WSCD2: variants seen among roughly 807,000 people sequenced by gnomAD.
The protein encoded by WSCD2 is sialate:O-sulfotransferase 2.
WSCD2 carries 28 observed loss-of-function variants against 55.7 expected under a neutral mutation model. The ratio of observed to expected loss-of-function variants is 0.50; its 90% CI spans 0.37 to 0.69. WSCD2 has a LOEUF of 0.69. WSCD2 is among the 30% of genes least tolerant of loss of function. The probability of loss-of-function intolerance (pLI) is 0.00; values close to 1 mark genes in which losing one functional copy is unlikely to be tolerated. For synonymous variants in WSCD2, 301 were observed against 301.9 expected, an observed-to-expected ratio of 1.00 and a Z score of 0.03; for missense variants, 616 against 762.1, an observed-to-expected ratio of 0.81 and a Z score of 2.26.
At chr12:108,159,100 T>C (rs1006251791) in intron 1 of WSCD2, among the ~76,000 whole-genome samples, 1 of 152,214 alleles carries the variant, frequency 6.6e-6, no homozygotes, top group Non-Finnish European at 1.5e-5. Flanking sequence ...CTCTTCTGTG[T>C]CTCTGAAAGG....
At chr12:108,218,057 T>C (rs1887057632) in intron 4 of WSCD2, among the ~76,000 whole-genome samples, 1 of 152,216 alleles carries the variant, frequency 6.6e-6, no homozygotes, top group Admixed American at 6.5e-5. Flanking sequence ...TAAGGACAGC[T>C]GGCAAGCAGA....
chr12:108,180,062 A>G (rs557216204), intron 1 of WSCD2, among the ~76,000 whole-genome samples: 44 of 151,460 alleles, frequency 2.9e-4, no homozygotes, highest in Non-Finnish European at 1.8e-4. Context: ...AAAAAAAAAA[A>G]AAAAAGAAAA....
chr12:108,217,827 AC>A (rs1887023544), intron 4 of WSCD2, among the ~76,000 whole-genome samples: 1 of 151,948 alleles, frequency 6.6e-6, no homozygotes. Context: ...TAAAAATTTC[AC>A]CTTACTTGGT....
intron 1 of WSCD2, among the ~76,000 whole-genome samples, chr12:108,177,538 T>G (rs1029744449): frequency 2.0e-5 from 3 of 152,234 alleles, no homozygotes; most frequent in Non-Finnish European, 2.9e-5. Context: ...AAGATAATTA[T>G]AGTGCCTGTC....
At chr12:108,162,326 G>GC in intron 1 of WSCD2, among the ~76,000 whole-genome samples, 1 of 152,130 alleles carries the variant, frequency 6.6e-6, no homozygotes, top group Non-Finnish European at 1.5e-5. Flanking sequence ...GAGTCACCAA[G>GC]CCCCCTTCAG....
intron 1 of WSCD2, among the ~76,000 whole-genome samples, chr12:108,178,517 C>T (rs1370357904): frequency 1.3e-5 from 2 of 152,218 alleles, no homozygotes; most frequent in African/African-American, 4.8e-5. Context: ...CTCTCAGTCA[C>T]ACACATCTGT....
chr12:108,211,455 C>T lies in WSCD2; in HGVS notation c.682+1150C>T, dbSNP rs139905314. Among the ~76,000 whole-genome samples, 577 of 152,126 alleles carry T rather than the reference C, an allele frequency of 3.8e-3. 3 individuals are homozygous for T. Among genetic ancestry groups the T allele is most frequent in the African/African-American group, 0.012 (494 of 41,502 alleles). ...GATGCCAGGATGCTGGTCCATAGAC[C>T]ACATTTTGAGCCTCTGTGGATCTCG... On this transcript the variant is annotated intron_variant, in intron 4 of 8. Coordinates refer to ENST00000547525, the MANE Select transcript of WSCD2 (RefSeq NM_014653.4).
chr12:108,248,538 C>T lies in WSCD2; in HGVS notation c.*195C>T. ...AAGAGATTGCCCAGGCACTACCACT[C>T]TGCTCACATGTTCCCCCCTTGGCAA... On this transcript the variant is annotated 3_prime_UTR_variant, in exon 9 of 9. Transcript: ENST00000547525. The surrounding 1 kb of genome is among the most constrained non-coding windows in gnomAD (Gnocchi z 4.3). 3 of 1,408,036 alleles carry T rather than the reference C, an allele frequency of 2.1e-6. No individual in the cohort carries two copies. The highest frequency in any genetic ancestry group is 1.6e-5 in the South Asian group (1 of 61,794). 87.2% of individuals were successfully genotyped at this position (1,408,036 alleles called of 1,614,324 possible).
chr12:108,216,782 A>AT (rs369133290), intron 4 of WSCD2, among the ~76,000 whole-genome samples: 2,951 of 151,696 alleles, frequency 0.019, 39 homozygotes, highest in Non-Finnish European at 0.033. Flanking sequence ...AAGCTGCTGT[A>AT]TTTTTTTTTC....
chr12:108,240,231 ATGAC>A (rs1188124765), intron 7 of WSCD2, 109 bp from the exon 8 acceptor site: 14 of 1,341,612 alleles, frequency 1.0e-5, no homozygotes, highest in Non-Finnish European at 1.2e-5. Context: ...AAATACGCGA[ATGAC>A]TGAGTGAACA....
chr12:108,175,456 G>A (rs1037623060), intron 1 of WSCD2, among the ~76,000 whole-genome samples: 4 of 152,172 alleles, frequency 2.6e-5, no homozygotes, highest in Non-Finnish European at 5.9e-5. Flanking sequence ...GCCTCCCCTC[G>A]GTTTAATAGG....
chr12:108,182,176 T>C lies in WSCD2; in HGVS notation c.-551-13106T>C, dbSNP rs1881861058. 2.6e-5 allele frequency among the ~76,000 whole-genome samples: 4 copies of C among 152,330 alleles called. No homozygotes were observed. The South Asian group carries it at 8.3e-4, about 32-fold the overall frequency. ...CTCCAAGAGGTAACATCTTTCTGTA[T>C]ATCGTTGTGTTTCCATCCATCTGTT... On this transcript the variant is annotated intron_variant, in intron 1 of 8. Transcript: ENST00000547525.
At chr12:108,164,115 T>G (rs985459453) in intron 1 of WSCD2, among the ~76,000 whole-genome samples, 1 of 141,596 alleles carries the variant, frequency 7.1e-6, no homozygotes, top group African/African-American at 2.5e-5. Context: ...TTCACTTATT[T>G]ATACTGTTGT....
chr12:108,223,034 G>A (rs1337464029), intron 4 of WSCD2, among the ~76,000 whole-genome samples: 1 of 152,254 alleles, frequency 6.6e-6, no homozygotes, highest in Non-Finnish European at 1.5e-5. Context: ...AGTTAATGCT[G>A]CGATCTTGAG....
At chr12:108,238,148 T>C (rs963331754) in intron 7 of WSCD2, among the ~76,000 whole-genome samples, 1 of 152,236 alleles carries the variant, frequency 6.6e-6, no homozygotes, top group African/African-American at 2.4e-5. Flanking sequence ...TGTCTGAAGC[T>C]GTCTCTCTCT....
intron 1 of WSCD2, among the ~76,000 whole-genome samples, chr12:108,140,619 T>C (rs1362742794): frequency 6.6e-6 from 1 of 152,198 alleles, no homozygotes; most frequent in Non-Finnish European, 1.5e-5. Context: ...GTTCCTCAAG[T>C]GCTGGGGATT....
intron 1 of WSCD2, among the ~76,000 whole-genome samples, chr12:108,144,960 CT>C (rs1877233051): frequency 6.6e-6 from 1 of 152,222 alleles, no homozygotes; most frequent in Non-Finnish European, 1.5e-5. Flanking sequence ...GGCCCTGCCT[CT>C]TGTGACAGGG....
intron 1 of WSCD2, among the ~76,000 whole-genome samples, chr12:108,180,728 C>A (rs998906489): frequency 1.3e-5 from 2 of 152,238 alleles, no homozygotes; most frequent in Non-Finnish European, 2.9e-5. Flanking sequence ...GAGCCTCCTC[C>A]AACTCTCACA....
intron 1 of WSCD2, among the ~76,000 whole-genome samples, chr12:108,173,068 T>C (rs1880399135): frequency 6.6e-6 from 1 of 151,940 alleles, no homozygotes; most frequent in Non-Finnish European, 1.5e-5. Context: ...ACACTGGATC[T>C]GCTGGCGCCT....
Sources: allele counts gnomAD v4.1 joint callset (sites outside exome capture counted in the v4.1 genomes callset), GRCh38; gene constraint gnomAD v4.1.1; non-coding constraint Gnocchi (gnomAD v3.1); transcripts MANE v1.5; gene names NCBI Gene and HGNC (gene_info 2026-07-23, HGNC 2026-07-21).